CACNA2D2: variants seen among roughly 807,000 people sequenced by gnomAD.
CACNA2D2 encodes calcium voltage-gated channel auxiliary subunit alpha2delta 2, also known as voltage-dependent calcium channel subunit alpha-2/delta-2.
CACNA2D2 carries 48 observed loss-of-function variants against 166.4 expected under a neutral mutation model. The observed-to-expected ratio is 0.29, with a 90% CI of 0.23 to 0.37. CACNA2D2 has a LOEUF of 0.37. CACNA2D2 is among the 10% of genes least tolerant of loss of function. The pLI, the probability that CACNA2D2 is intolerant of heterozygous loss-of-function variation, is 1.00. For missense variants in CACNA2D2, 1,122 were observed against 1,433.0 expected (o/e 0.78, Z 3.50); for synonymous variants, 561 against 573.7 (o/e 0.98, Z 0.32).
chr3:50,382,993 T>TA (rs1249926362), intron 6 of CACNA2D2, among the ~76,000 whole-genome samples: 1 of 152,236 alleles, frequency 6.6e-6, no homozygotes, highest in African/African-American at 2.4e-5. Flanking sequence ...CACCTGCACA[T>TA]ACTCTCAGAT....
chr3:50,407,198 G>T (rs1364146201), intron 3 of CACNA2D2, among the ~76,000 whole-genome samples: 1 of 151,770 alleles, frequency 6.6e-6, no homozygotes, highest in Admixed American at 6.6e-5. Flanking sequence ...CTATACAAAG[G>T]GGGAGCTGAG....
At chr3:50,445,674 C>A (rs1028410437) in intron 2 of CACNA2D2, among the ~76,000 whole-genome samples, 1 of 152,208 alleles carries the variant, frequency 6.6e-6, no homozygotes, top group African/African-American at 2.4e-5. Flanking sequence ...TAGGGACATG[C>A]ATGCTCTGAA....
At chr3:50,416,168 G>A (rs979007632) in intron 3 of CACNA2D2, 1 of 152,414 alleles carries the variant, frequency 6.6e-6, no homozygotes, top group South Asian at 2.1e-4. Context: ...TTGGGGCTTG[G>A]AGAATGGCCC....
chr3:50,369,126 G>A lies in CACNA2D2; in HGVS notation c.2046-891C>T, dbSNP rs772365501. On this transcript the variant is annotated intron_variant, in intron 23 of 37. Transcript: ENST00000424201. The stretch of plus-strand genomic sequence containing the variant: ...TTGGCCCCCAGGGCCTTTGTGCAGT[G>A]TACAGCCTGCACCTCTGTGCCTAGA... 3.9e-4 allele frequency among the ~76,000 whole-genome samples: 60 copies of A among 152,316 alleles called. 1 individual carries two copies. Among genetic ancestry groups the A allele is most frequent in the Middle Eastern group, 3.4e-3 (1 of 294 alleles).
intron 3 of CACNA2D2, chr3:50,419,690 G>A (rs553371758): frequency 9.2e-5 from 14 of 152,274 alleles, no homozygotes; most frequent in African/African-American, 1.4e-4. Flanking sequence ...AGGATGTGGC[G>A]GAAGCACACA....
At chr3:50,442,999 G>A (rs1708674547) in intron 2 of CACNA2D2, among the ~76,000 whole-genome samples, 1 of 152,170 alleles carries the variant, frequency 6.6e-6, no homozygotes, top group Non-Finnish European at 1.5e-5. Context: ...GCATCGGGTG[G>A]GGAATTTGAG....
At chr3:50,390,801 A>G (rs1377137244) in intron 4 of CACNA2D2, among the ~76,000 whole-genome samples, 2 of 152,164 alleles carry the variant, frequency 1.3e-5, no homozygotes, top group Non-Finnish European at 2.9e-5. Flanking sequence ...TCAGGGAACA[A>G]GCTGAGGAAA....
At chr3:50,483,708 C>T (rs943872305) in intron 1 of CACNA2D2, among the ~76,000 whole-genome samples, 8 of 152,170 alleles carry the variant, frequency 5.3e-5, no homozygotes, top group Admixed American at 1.3e-4. Flanking sequence ...TTGGCCTCTG[C>T]GGGTCTCAGT....
chr3:50,405,656 T>TAA (rs940939123), intron 3 of CACNA2D2, among the ~76,000 whole-genome samples: 10 of 152,148 alleles, frequency 6.6e-5, no homozygotes, highest in Non-Finnish European at 1.0e-4. Context: ...GCACTCTTAC[T>TAA]AAACACACCA....
chr3:50,377,376 G>A, intron 17 of CACNA2D2, 91 bp downstream of exon 17: 1 of 1,038,002 alleles, frequency 9.6e-7, no homozygotes, highest in Non-Finnish European at 1.5e-6. Context: ...GGTCTCCATG[G>A]AGGCGCTGTA....
chr3:50,466,522 C>T (rs898061648), intron 2 of CACNA2D2, among the ~76,000 whole-genome samples: 8 of 152,220 alleles, frequency 5.3e-5, no homozygotes, highest in South Asian at 2.1e-4. Context: ...GACACACAAA[C>T]GCTCACATGT....
intron 3 of CACNA2D2, among the ~76,000 whole-genome samples, chr3:50,411,662 T>G (rs753436065): frequency 6.6e-6 from 1 of 152,182 alleles, no homozygotes; most frequent in South Asian, 2.1e-4. Flanking sequence ...CTCAAAACAA[T>G]GTAGTGAGTG....
rs1704002548 is a variant in CACNA2D2, at chr3:50,362,852, T to C, written c.*1814A>G. The C allele has an allele frequency of 5.9e-6, 2 of 339,968 alleles. No homozygotes were observed. Among genetic ancestry groups the C allele is most frequent in the Admixed American group, 4.8e-5 (1 of 20,950 alleles). The allele number at this position is 339,968 out of a possible 1,614,324, so 21.1% of individuals were successfully genotyped here. A position where few individuals can be genotyped will look rare whatever the true frequency, so the allele number is the denominator to read the frequency against. The stretch of plus-strand genomic sequence containing the variant: ...ATAACTGATCTTCTGTAATAAACCA[T>C]TTGAAAATATTTTACAAGGAATCAC... On this transcript the variant is annotated 3_prime_UTR_variant, in exon 38 of 38. Transcript: ENST00000424201.
chr3:50,394,118 G>T lies in CACNA2D2; in HGVS notation c.456C>A (p.Asp152Glu). The change falls in exon 4 of 38, where the codon GAC becomes GAA. Residue 152 changes from aspartate (D) to glutamate (E), a missense_variant. Transcript: ENST00000424201. ...ENFQKAHRWQ[D>E]NIKEEDIVYY... ...GTGCTGGGGTTCCTACCTTGATGTT[G>T]TCCTGCCAGCGGTGTGCTTTCTGGA... is the stretch of plus-strand genomic sequence containing the variant. The T allele has an allele frequency of 6.2e-7, 1 of 1,614,060 alleles. No homozygotes were observed. The highest frequency in any genetic ancestry group is 1.1e-5 in the South Asian group (1 of 91,072).
At position 50,365,576 on chromosome 3, in the gene CACNA2D2, G is replaced by A. The variant is rs146234163; in HGVS notation, c.2971+57C>T. The A allele has an allele frequency of 9.3e-4, 1,468 of 1,578,676 alleles. 7 individuals carry two copies. The highest frequency in any genetic ancestry group is 5.9e-3 in the South Asian group (515 of 87,264). ...TAGACCCCACCCTCCCCATGGAGTCGTCTTAGCTCAGATTGGGGACCCGGA... is the reference window on the plus strand; with the variant it reads ...TAGACCCCACCCTCCCCATGGAGTCATCTTAGCTCAGATTGGGGACCCGGA... On this transcript the variant is annotated intron_variant, in intron 34 of 37. Transcript: ENST00000424201. The surrounding 1 kb of genome is among the most constrained non-coding windows in gnomAD (Gnocchi z 4.5).
In CACNA2D2 at chr3:50,375,621, C is replaced by G; in HGVS notation, c.1907+23G>C. On this transcript the variant is annotated intron_variant, in intron 21 of 37. Coordinates refer to ENST00000424201, the MANE Select transcript of CACNA2D2 (RefSeq NM_006030.4). This position sits in a 1 kb window ranked among gnomAD's most constrained non-coding sequence, Gnocchi z 4.0. ...CTGGGGCCACCCCACCCTCTCTGCC[C>G]GCCCAGCCCTGGCCTCACTTACCTG... 1 of 1,611,442 alleles carries G rather than the reference C, an allele frequency of 6.2e-7. No individual in the cohort carries two copies. The highest frequency in any genetic ancestry group is 8.5e-7 in the Non-Finnish European group (1 of 1,179,234).
At chr3:50,426,651 A>T (rs943785842) in intron 3 of CACNA2D2, among the ~76,000 whole-genome samples, 2 of 152,056 alleles carry the variant, frequency 1.3e-5, no homozygotes, top group African/African-American at 4.8e-5. Flanking sequence ...TATTTTGACT[A>T]GTAGGTGCTA....
rs1280434231 is a variant in CACNA2D2, at chr3:50,365,173, G to C, written c.3110C>G (p.Ala1037Gly). The C allele has an allele frequency of 6.2e-7, 1 of 1,611,936 alleles. No homozygotes were observed. The highest frequency in any genetic ancestry group is 8.5e-7 in the Non-Finnish European group (1 of 1,179,680). The change falls in exon 36 of 38, where the codon GCG (alanine) becomes GGG (glycine). Residue 1037 changes from alanine to glycine, a missense_variant. By Grantham distance (60) the Ala-to-Gly change is moderately conservative. Transcript: ENST00000424201. This position sits in a 1 kb window ranked among gnomAD's most constrained non-coding sequence, Gnocchi z 4.5. ...DCGNCSRLFH[A>G]QRLTNTNLLF... ...AAGATTGGTGTTGGTCAGTCTCTGC[G>C]CGTGGAACAGCCTGCGGGCAGCCCG...
At chr3:50,468,300 T>G (rs181864583) in intron 2 of CACNA2D2, among the ~76,000 whole-genome samples, 6 of 151,610 alleles carry the variant, frequency 4.0e-5, no homozygotes, top group Non-Finnish European at 7.4e-5. Context: ...AGGGCTGAGT[T>G]TGAACTGATC....
Sources: allele counts gnomAD v4.1 joint callset (sites outside exome capture counted in the v4.1 genomes callset), GRCh38; gene constraint gnomAD v4.1.1; non-coding constraint Gnocchi (gnomAD v3.1); transcripts MANE v1.5; gene names NCBI Gene and HGNC (gene_info 2026-07-23, HGNC 2026-07-21).